The following SAMMSON variants were observed in gnomAD, a reference collection of about 807,000 sequenced individuals.
SAMMSON encodes the protein survival associated mitochondrial melanoma specific oncogenic non-coding RNA, also known as long intergenic non-protein coding RNA 1212.
chr3:70,252,687 G>A (rs6549306), intron 6 of SAMMSON, among the ~76,000 whole-genome samples: 151,377 of 152,342 alleles, frequency 0.99, 75,217 homozygotes, highest in Non-Finnish European at 1. Context: ...ATTGCCCTAT[G>A]TTTATTTATT....
intron 4 of SAMMSON, among the ~76,000 whole-genome samples, chr3:70,165,456 G>T (rs1320480483): frequency 6.6e-6 from 1 of 151,918 alleles, no homozygotes; most frequent in African/African-American, 2.4e-5. Flanking sequence ...AAGACACAGA[G>T]AGAAGGCACA....
At chr3:70,426,714 C>T (rs75369086) in intron 2 of SAMMSON, among the ~76,000 whole-genome samples, 1 of 152,192 alleles carries the variant, frequency 6.6e-6, no homozygotes, top group African/African-American at 2.4e-5. Context: ...CAAACCAACA[C>T]TGTCACAAGA....
chr3:70,359,036 C>T (rs1453450201), intron 9 of SAMMSON, among the ~76,000 whole-genome samples: 1 of 152,008 alleles, frequency 6.6e-6, no homozygotes, highest in Non-Finnish European at 1.5e-5. Flanking sequence ...TTCCACCCAC[C>T]CCCAGCCCCC....
intron 4 of SAMMSON, among the ~76,000 whole-genome samples, chr3:70,086,703 G>C (rs188981155): frequency 4.9e-4 from 74 of 152,234 alleles, no homozygotes; most frequent in African/African-American, 1.7e-3. Context: ...GGGGCTACAG[G>C]GTTCTTGAAT....
intron 4 of SAMMSON, among the ~76,000 whole-genome samples, chr3:70,203,631 T>C (rs932103706): frequency 1.3e-5 from 2 of 152,158 alleles, no homozygotes; most frequent in Non-Finnish European, 2.9e-5. Flanking sequence ...CACTGGTGCA[T>C]TTAATTGTAT....
chr3:70,379,168 C>A (rs1410407619), intron 9 of SAMMSON, among the ~76,000 whole-genome samples: 1 of 152,062 alleles, frequency 6.6e-6, no homozygotes, highest in Non-Finnish European at 1.5e-5. Flanking sequence ...CACGCACCAC[C>A]ACATCTGGCT....
intron 4 of SAMMSON, among the ~76,000 whole-genome samples, chr3:70,201,525 C>T (rs976728459): frequency 5.3e-5 from 8 of 152,100 alleles, no homozygotes; most frequent in Non-Finnish European, 1.2e-4. Flanking sequence ...TTACACAGGC[C>T]TCCAGATCAC....
Position 70,425,400 on chromosome 3 carries a change from A to ATTATTTAT in SAMMSON, n.234-37138_234-37131dup, listed in dbSNP as rs140781474. Reference sequence around the variant, plus strand: ...CCTATTTCAAGTTGTCTATTTTTTTATTATTTATTTATTTATTTATTTATT... The same window carrying ATTATTTAT: ...CCTATTTCAAGTTGTCTATTTTTTTATTATTTATTTATTTATTTATTTATTTATTTATT... On this transcript the variant is annotated intron_variant and non_coding_transcript_variant, in intron 2 of 3. Coordinates refer to the SAMMSON transcript ENST00000641053. Among the ~76,000 whole-genome samples the ATTATTTAT allele has an allele frequency of 7.6e-4, 115 of 150,682 alleles. 1 individual carries two copies. Among genetic ancestry groups the ATTATTTAT allele is most frequent in the African/African-American group, 2.4e-3 (99 of 40,872 alleles).
chr3:70,323,709 G>C (rs1397830889), intron 7 of SAMMSON, among the ~76,000 whole-genome samples: 1 of 152,086 alleles, frequency 6.6e-6, no homozygotes, highest in East Asian at 1.9e-4. Flanking sequence ...GAAGAAGATT[G>C]GGGCAGCCCT....
intron 4 of SAMMSON, among the ~76,000 whole-genome samples, chr3:70,233,438 A>G (rs1310348655): frequency 6.6e-6 from 1 of 152,184 alleles, no homozygotes; most frequent in African/African-American, 2.4e-5. Flanking sequence ...TGGCATTTTG[A>G]TGATAAAGCT....
intron 4 of SAMMSON, among the ~76,000 whole-genome samples, chr3:70,124,795 A>G (rs2067448990): frequency 7.0e-6 from 1 of 143,724 alleles, no homozygotes; most frequent in African/African-American, 2.6e-5. Flanking sequence ...AGCCCAGGCA[A>G]CAGAGCGAGA....
intron 4 of SAMMSON, among the ~76,000 whole-genome samples, chr3:70,111,149 C>T (rs1576124552): frequency 6.6e-6 from 1 of 151,998 alleles, no homozygotes; most frequent in East Asian, 1.9e-4. Context: ...TGTTTTTAAA[C>T]CTTTACATAA....
intron 6 of SAMMSON, among the ~76,000 whole-genome samples, chr3:70,285,434 C>T (rs561796328): frequency 6.6e-6 from 1 of 152,060 alleles, no homozygotes; most frequent in Non-Finnish European, 1.5e-5. Flanking sequence ...ATATATGCCA[C>T]ATTTTCTTAA....
intron 2 of SAMMSON, among the ~76,000 whole-genome samples, chr3:70,013,123 T>G (rs2066965374): frequency 1.3e-5 from 2 of 152,242 alleles, no homozygotes; most frequent in South Asian, 4.1e-4. Context: ...GTAAAACACT[T>G]GAACAGTTTC....
chr3:70,186,445 G>A (rs1336308851), intron 4 of SAMMSON, among the ~76,000 whole-genome samples: 1 of 151,430 alleles, frequency 6.6e-6, no homozygotes, highest in Admixed American at 6.6e-5. Flanking sequence ...TTTATTTTTT[G>A]GTATTTTTTT....
At chr3:70,369,060 G>A (rs1575635138) in intron 9 of SAMMSON, among the ~76,000 whole-genome samples, 3 of 151,328 alleles carry the variant, frequency 2.0e-5, no homozygotes, top group East Asian at 1.9e-4. Context: ...AGACTTGTAT[G>A]TATTTTGTTA....
rs150218275 is a variant in SAMMSON at position 70,315,465 on chromosome 3, A to T, written n.739+24222A>T. Among the ~76,000 whole-genome samples the T allele has an allele frequency of 3.1e-3, 473 of 152,304 alleles. 7 individuals are homozygous for T. Among genetic ancestry groups the T allele is most frequent in the East Asian group, 0.022 (113 of 5,192 alleles). On this transcript the variant is annotated intron_variant and non_coding_transcript_variant, in intron 7 of 9. Transcript: ENST00000642114. ...ATAAGAGCTGTAGGTATTAATTAGCATAATATTCCATTTTTGTCATCCACT... is the reference window on the plus strand; with the variant it reads ...ATAAGAGCTGTAGGTATTAATTAGCTTAATATTCCATTTTTGTCATCCACT...
chr3:70,011,000 A>T (rs1217038180), intron 1 of SAMMSON, among the ~76,000 whole-genome samples: 1 of 151,974 alleles, frequency 6.6e-6, no homozygotes, highest in African/African-American at 2.4e-5. Flanking sequence ...TCCAACCTTG[A>T]CTCATGGGGA....
At position 70,237,979 on chromosome 3, in the gene SAMMSON, C is replaced by CTTTTTTTTTTTTTTTTTTTT; in HGVS notation, n.508-11121_508-11102dup. On this transcript the variant is annotated intron_variant and non_coding_transcript_variant, in intron 4 of 9. Coordinates refer to ENST00000642114, the Ensembl canonical transcript of SAMMSON. ...GGAAAAGAAACTAATTGAGTGGTAT[C>CTTTTTTTTTTTTTTTTTTTT]TTTTTTTTTTTTTTTTTTTTTTTTT... Among the ~76,000 whole-genome samples, 189 of 48,942 alleles carry CTTTTTTTTTTTTTTTTTTTT rather than the reference C, an allele frequency of 3.9e-3. 63 individuals are homozygous for CTTTTTTTTTTTTTTTTTTTT. Among genetic ancestry groups the CTTTTTTTTTTTTTTTTTTTT allele is most frequent in the South Asian group, 5.6e-3 (4 of 710 alleles). The allele number at this position is 48,942 out of a possible 152,430, so 32.1% of individuals were successfully genotyped here. A position where few individuals can be genotyped will look rare whatever the true frequency, so the allele number is the denominator to read the frequency against.
Sources: gnomAD v4.1 joint callset for allele counts (sites outside exome capture counted in the v4.1 genomes callset) on GRCh38, gnomAD v4.1.1 for gene constraint, MANE v1.5 for transcripts, NCBI Gene and HGNC (gene_info 2026-07-23, HGNC 2026-07-21) for gene names.